The following PCDHGA6 variants were observed in gnomAD, a reference collection of about 807,000 sequenced individuals.
PCDHGA6 encodes protocadherin gamma-A6.
Under a neutral mutation model 60.6 loss-of-function variants are expected in PCDHGA6, and 41 were observed. The observed-to-expected ratio is 0.68, with a 90% CI of 0.53 to 0.88. The LOEUF (loss-of-function observed/expected upper bound fraction) is 0.88. PCDHGA6 is among the 40% of genes least tolerant of loss of function. The pLI, the probability that PCDHGA6 is intolerant of heterozygous loss-of-function variation, is 0.00. For synonymous variants in PCDHGA6, 594 were observed against 524.4 expected (o/e 1.13, Z -1.81); for missense variants, 1,312 against 1,203.0 (o/e 1.09, Z -1.34).
At chr5:141,506,278 G>A (rs1001662623) in intron 3 of PCDHGA6, among the ~76,000 whole-genome samples, 1 of 152,090 alleles carries the variant, frequency 6.6e-6, no homozygotes. Flanking sequence ...GTGAAACCCT[G>A]TCTCTACTAA....
intron 1 of PCDHGA6, chr5:141,413,229 C>T (rs200934469): frequency 6.2e-7 from 1 of 1,613,914 alleles, no homozygotes; most frequent in African/African-American, 1.3e-5. Context: ...GCGGGCTGGT[C>T]CTGCTCTGCC....
chr5:141,374,582 C>T lies in PCDHGA6; in HGVS notation c.499C>T (p.Leu167Phe). Reference protein sequence around the residue: ...VYDPDVGMNSLQGFKLSGNSH... With the variant: ...VYDPDVGMNSFQGFKLSGNSH... ...TGACCCTGATGTGGGAATGAACTCC[C>T]TTCAGGGATTTAAGCTCAGTGGTAA... Residue 167 changes from leucine to phenylalanine, a missense_variant, in exon 1 of 4, where the codon CTT becomes TTT. Physicochemically the swap from Leu to Phe is conservative, Grantham distance 22. Transcript: ENST00000517434. 6.2e-7 allele frequency: 1 copy of T among 1,613,744 alleles called. No homozygotes were observed. The highest frequency in any genetic ancestry group is 8.5e-7 in the Non-Finnish European group (1 of 1,179,750).
Position 141,493,359 on chromosome 5 carries a change from G to A in PCDHGA6, c.2425-1448G>A, listed in dbSNP as rs956980110. Among the ~76,000 whole-genome samples the A allele has an allele frequency of 2.6e-5, 4 of 152,148 alleles. No homozygotes were observed. The highest frequency in any genetic ancestry group is 9.7e-5 in the African/African-American group (4 of 41,418). ...CCAGAATGTGTGCTTTTAATTTCTT[G>A]GCACTTGGAACTTTAAAAGCTTGAG... On this transcript the variant is annotated intron_variant, in intron 1 of 3. Transcript: ENST00000517434. This position sits in a 1 kb window ranked among gnomAD's most constrained non-coding sequence, Gnocchi z 4.3.
chr5:141,469,404 G>A (rs1439441297), intron 1 of PCDHGA6, among the ~76,000 whole-genome samples: 7 of 151,874 alleles, frequency 4.6e-5, no homozygotes, highest in African/African-American at 1.5e-4. Flanking sequence ...GTGAAACCCC[G>A]TTTCTACTAA....
chr5:141,430,805 C>T (rs1445689047), intron 1 of PCDHGA6: 2 of 1,525,722 alleles, frequency 1.3e-6, no homozygotes, highest in Admixed American at 2.3e-5. Flanking sequence ...GCTTGTCCTG[C>T]TGGGAATCCT....
Position 141,375,956 on chromosome 5 carries a change from G to C in PCDHGA6, c.1873G>C (p.Glu625Gln). Residue 625 changes from glutamate (E) to glutamine (Q), a missense_variant, in exon 1 of 4, where the codon GAG (glutamate) becomes CAG (glutamine). By Grantham distance (29) the Glu-to-Gln change is conservative. Transcript: ENST00000517434. The stretch of plus-strand genomic sequence containing the variant: ...TTTCTCAGTGGGCCTGCACACGGGC[G>C]AGGTGCGCACGGCGCGCGCCCTGCT... ...GLFSVGLHTG[E>Q]VRTARALLDR... 6.2e-7 allele frequency: 1 copy of C among 1,613,506 alleles called. No individual in the cohort carries two copies. The highest frequency in any genetic ancestry group is 8.5e-7 in the Non-Finnish European group (1 of 1,179,926).
Position 141,485,627 on chromosome 5 carries a change from T to C in PCDHGA6, c.2425-9180T>C. 3 of 1,612,072 alleles carry C rather than the reference T, an allele frequency of 1.9e-6. No individual in the cohort carries two copies. Among genetic ancestry groups the C allele is most frequent in the Non-Finnish European group, 2.5e-6 (3 of 1,178,530 alleles). On this transcript the variant is annotated intron_variant, in intron 1 of 3. Transcript: ENST00000517434. This position sits in a 1 kb window ranked among gnomAD's most constrained non-coding sequence, Gnocchi z 5.7. ...GGAGGCAGCTCCTCCAGGACAGCGT[T>C]TCCCGTTGGAAAAGGCTCAGGATGC...
Position 141,400,219 on chromosome 5 carries a change from C to T in PCDHGA6, c.2424+23712C>T, listed in dbSNP as rs1200450595. On this transcript the variant is annotated intron_variant, in intron 1 of 3. Coordinates refer to ENST00000517434, the MANE Select transcript of PCDHGA6 (RefSeq NM_018919.3). ...GGTGGCCTTGGCCTTGATCTCAGTG[C>T]TCTTCCTCCTGGCCGTGATTCTGGC... The T allele has an allele frequency of 1.9e-6, 3 of 1,613,934 alleles. No homozygotes were observed. Among genetic ancestry groups the T allele is most frequent in the African/African-American group, 1.3e-5 (1 of 74,930 alleles).
At chr5:141,408,962 A>G (rs1561716536) in intron 1 of PCDHGA6, 3 of 1,613,638 alleles carry the variant, frequency 1.9e-6, no homozygotes, top group Admixed American at 3.3e-5. Flanking sequence ...TCTTAGTGAA[A>G]ATCTGCCCCC....
intron 1 of PCDHGA6, chr5:141,421,450 C>A (rs1193440607): frequency 2.5e-6 from 4 of 1,614,126 alleles, no homozygotes; most frequent in Non-Finnish European, 3.4e-6. Flanking sequence ...GAAGACACAG[C>A]TTTTCGCTGT....
intron 1 of PCDHGA6, chr5:141,478,104 C>T (rs1440105341): frequency 6.2e-7 from 1 of 1,614,118 alleles, no homozygotes; most frequent in South Asian, 1.1e-5. Flanking sequence ...GCTACCCTCA[C>T]TGTGTCAGTA....
At chr5:141,388,800 G>A (rs1193679536) in intron 1 of PCDHGA6, 6 of 1,613,896 alleles carry the variant, frequency 3.7e-6, no homozygotes, top group Non-Finnish European at 5.1e-6. Context: ...AAATACATTA[G>A]ATTTTGAAGA....
intron 1 of PCDHGA6, chr5:141,379,738 A>T (rs1218280067): frequency 1.3e-5 from 2 of 152,158 alleles, no homozygotes; most frequent in Non-Finnish European, 2.9e-5. Flanking sequence ...GTTATGGCTA[A>T]ATGAGGTTCT....
intron 1 of PCDHGA6, among the ~76,000 whole-genome samples, chr5:141,481,443 C>T (rs971405190): frequency 1.3e-5 from 2 of 152,174 alleles, no homozygotes; most frequent in African/African-American, 4.8e-5. Flanking sequence ...CAGTTTAGTA[C>T]ATGTAAATAC....
intron 1 of PCDHGA6, chr5:141,392,685 A>C: frequency 8.3e-6 from 9 of 1,078,992 alleles, no homozygotes; most frequent in Non-Finnish European, 1.2e-5. Context: ...ACTGCAGCGA[A>C]ACCCGACCCC....
At chr5:141,415,074 G>A (rs745950404) in intron 1 of PCDHGA6, 4 of 1,613,448 alleles carry the variant, frequency 2.5e-6, no homozygotes, top group East Asian at 2.2e-5. Flanking sequence ...TGCGCACGGC[G>A]CGAGCCCTGC....
At chr5:141,478,247 G>C (rs1377698933) in intron 1 of PCDHGA6, 1 of 1,613,956 alleles carries the variant, frequency 6.2e-7, no homozygotes, top group Non-Finnish European at 8.5e-7. Context: ...CACAGTGTTC[G>C]GAGTAATCAT....
rs770283696 is a variant in PCDHGA6, at chr5:141,385,127, T to G, written c.2424+8620T>G. On this transcript the variant is annotated intron_variant, in intron 1 of 3. Transcript: ENST00000517434. ...GTGCCCACCTCGCACTTTGTGGGCA[T>G]GGACGGGGTGCAGGCTTTCCTGCAG... is the stretch of plus-strand genomic sequence containing the variant. 6.2e-6 allele frequency: 10 copies of G among 1,614,222 alleles called. No individual in the cohort carries two copies. The South Asian group carries it at 7.7e-5, about 12-fold the overall frequency.
chr5:141,374,748 G>T lies in PCDHGA6; in HGVS notation c.665G>T (p.Arg222Leu). The T allele has an allele frequency of 6.2e-7, 1 of 1,611,888 alleles. No individual in the cohort carries two copies. The highest frequency in any genetic ancestry group is 8.5e-7 in the Non-Finnish European group (1 of 1,178,912). ...GCCATGGATGGCGGCGACCCTGTCC[G>T]CTCAAGCGTCGCCCAAATTCTGGTA... is the stretch of plus-strand genomic sequence containing the variant. ...LTAMDGGDPVRSSVAQILVTV... is the reference protein window; with the variant it reads ...LTAMDGGDPVLSSVAQILVTV... The change falls in exon 1 of 4, where the codon CGC becomes CTC. Residue 222 changes from arginine to leucine, a missense_variant. Arg to Leu is a moderately radical substitution (Grantham distance 102). Coordinates refer to ENST00000517434, the MANE Select transcript of PCDHGA6 (RefSeq NM_018919.3).
Sources: gnomAD v4.1 joint callset for allele counts (sites outside exome capture counted in the v4.1 genomes callset) on GRCh38, gnomAD v4.1.1 for gene constraint, Gnocchi (gnomAD v3.1) non-coding constraint, MANE v1.5 for transcripts, NCBI Gene and HGNC (gene_info 2026-07-23, HGNC 2026-07-21) for gene names.